Variants in CAPRIN2 observed in about 807,000 individuals in gnomAD.
CAPRIN2 encodes the protein caprin family member 2.
A neutral mutation model predicts 130.4 loss-of-function variants in CAPRIN2; 66 were observed. That is an observed-to-expected ratio of 0.51 (90% CI 0.42 to 0.62). The LOEUF (loss-of-function observed/expected upper bound fraction) is 0.62. CAPRIN2 is among the 20% of genes least tolerant of loss of function. The pLI is 0.00. For missense variants in CAPRIN2, 1,185 were observed against 1,246.6 expected, an observed-to-expected ratio of 0.95 and a Z score of 0.74; for synonymous variants, 471 against 444.1, an observed-to-expected ratio of 1.06 and a Z score of -0.76.
exon 13 of CAPRIN2, chr12:30,716,615 T>A: frequency 6.2e-7 from 1 of 1,614,002 alleles, no homozygotes; most frequent in Non-Finnish European, 8.5e-7. Flanking sequence ...GCCAGGTGAA[T>A]AAGGGGATTC....
At chr12:30,738,480 T>G (rs998996737) in intron 3 of CAPRIN2, among the ~76,000 whole-genome samples, 1 of 152,144 alleles carries the variant, frequency 6.6e-6, no homozygotes. Context: ...GAAATACCAT[T>G]CTGAATATAG....
chr12:30,727,102 C>G (rs1313112017), intron 8 of CAPRIN2, among the ~76,000 whole-genome samples: 1 of 152,092 alleles, frequency 6.6e-6, no homozygotes, highest in Non-Finnish European at 1.5e-5. Flanking sequence ...TGATAATATT[C>G]TGGTATGATA....
At chr12:30,728,152 G>A (rs577928965) in intron 8 of CAPRIN2, among the ~76,000 whole-genome samples, 1 of 152,260 alleles carries the variant, frequency 6.6e-6, no homozygotes, top group East Asian at 1.9e-4. Flanking sequence ...TTTCATCTCA[G>A]ATTAGACTTA....
chr12:30,717,292 T>C (rs2057923607), intron 12 of CAPRIN2, among the ~76,000 whole-genome samples: 1 of 152,190 alleles, frequency 6.6e-6, no homozygotes, highest in African/African-American at 2.4e-5. Flanking sequence ...CAAATGAACT[T>C]TGAAAACATT....
intron 3 of CAPRIN2, among the ~76,000 whole-genome samples, chr12:30,737,121 C>G (rs1170430350): frequency 6.6e-6 from 1 of 152,096 alleles, no homozygotes; most frequent in Non-Finnish European, 1.5e-5. Flanking sequence ...CCTCCCACCT[C>G]AGCCTCCTGA....
intron 2 of CAPRIN2, among the ~76,000 whole-genome samples, chr12:30,744,815 C>A (rs2069166124): frequency 6.6e-6 from 1 of 152,134 alleles, no homozygotes; most frequent in Admixed American, 6.5e-5. Flanking sequence ...TTAAGTACAG[C>A]ACCTCCTAGA....
intron 5 of CAPRIN2, among the ~76,000 whole-genome samples, chr12:30,731,970 T>A (rs777110004): frequency 3.9e-5 from 6 of 152,056 alleles, no homozygotes; most frequent in African/African-American, 1.2e-4. Flanking sequence ...TAATTAAGGC[T>A]TTAGAGAAGT....
chr12:30,742,028 A>G (rs75774649), intron 2 of CAPRIN2, among the ~76,000 whole-genome samples: 4,074 of 152,308 alleles, frequency 0.027, 164 homozygotes, highest in African/African-American at 0.091. Flanking sequence ...GCTAAGTAAA[A>G]GAAGCCAGAT....
intron 8 of CAPRIN2, 138 bp downstream of exon 9, chr12:30,728,510 G>A: frequency 1.5e-6 from 1 of 675,442 alleles, no homozygotes; most frequent in Non-Finnish European, 2.4e-6. Context: ...AGCAGAGATA[G>A]TGCCACTGCA....
chr12:30,742,962 G>A (rs564990508), intron 2 of CAPRIN2, among the ~76,000 whole-genome samples: 34 of 152,278 alleles, frequency 2.2e-4, no homozygotes, highest in South Asian at 4.1e-4. Context: ...TCAGAGGGAT[G>A]TAAAACTATA....
chr12:30,753,635 T>C lies in CAPRIN2; in HGVS notation c.129A>G (p.Ile43Met), dbSNP rs774923794. ...CTGAAGGAGGTGGGGGAAAGTTAAG[T>C]ATAAAATTAGGACTAGAGGGACACA... The change falls in exon 1 of 17, where the codon ATA (isoleucine) becomes ATG (methionine). Residue 43 changes from isoleucine (I) to methionine (M), a missense_variant. Ile to Met is a conservative substitution (Grantham distance 10, BLOSUM62 1). This residue lies in a region of CAPRIN2 where 1,104 missense variants were observed against 1,104.3 expected (regional missense o/e 1.00). Transcript: ENST00000298892. The C allele has an allele frequency of 3.1e-6, 5 of 1,614,142 alleles. No homozygotes were observed. The South Asian group carries it at 4.4e-5, about 14-fold the overall frequency.
intron 2 of CAPRIN2, among the ~76,000 whole-genome samples, chr12:30,741,444 C>G (rs2067379523): frequency 6.6e-6 from 1 of 152,078 alleles, no homozygotes; most frequent in African/African-American, 2.4e-5. Context: ...ATTCACTACT[C>G]AAACATATTA....
exon 8 of CAPRIN2, chr12:30,728,713 C>G (rs2061678070): frequency 6.2e-7 from 1 of 1,614,088 alleles, no homozygotes; most frequent in South Asian, 1.1e-5. Context: ...CTTGCTGTAG[C>G]TACTCCCCAG....
At chr12:30,748,196 T>A (rs756326632) in intron 2 of CAPRIN2, among the ~76,000 whole-genome samples, 1 of 152,176 alleles carries the variant, frequency 6.6e-6, no homozygotes, top group Non-Finnish European at 1.5e-5. Context: ...TTGAAAAAAG[T>A]CCTACTGTGG....
exon 1 of CAPRIN2, chr12:30,753,630 T>C: frequency 6.2e-7 from 1 of 1,614,066 alleles, no homozygotes; most frequent in Non-Finnish European, 8.5e-7. Context: ...TGGGGGAAAG[T>C]TAAGTATAAA....
chr12:30,747,283 G>C (rs1215090802), intron 2 of CAPRIN2, among the ~76,000 whole-genome samples: 3 of 152,146 alleles, frequency 2.0e-5, no homozygotes, highest in Non-Finnish European at 4.4e-5. Context: ...CAAGAGCTGT[G>C]ATGGAAATAC....
exon 1 of CAPRIN2, chr12:30,753,462 A>G (rs770296631): frequency 1.2e-6 from 2 of 1,613,808 alleles, no homozygotes; most frequent in East Asian, 2.2e-5. Context: ...CAGGGGGCTC[A>G]AGGCCCGCTG....
chr12:30,740,996 G>GA, intron 3 of CAPRIN2, 24 bp downstream of exon 4: 1 of 1,504,662 alleles, frequency 6.6e-7, no homozygotes, highest in Non-Finnish European at 9.2e-7. Flanking sequence ...CTGGTTTCAG[G>GA]AAAAGCAAAG....
At chr12:30,737,412 T>A (rs776448576) in intron 3 of CAPRIN2, among the ~76,000 whole-genome samples, 3 of 151,994 alleles carry the variant, frequency 2.0e-5, no homozygotes, top group Non-Finnish European at 2.9e-5. Context: ...TTGAATAAAA[T>A]CAAATATCAG....
Sources: gnomAD v4.1 joint callset for allele counts (sites outside exome capture counted in the v4.1 genomes callset) on GRCh38, gnomAD v4.1.1 for gene constraint, gnomAD v4.1.1 regional missense constraint, MANE v1.5 for transcripts, NCBI Gene and HGNC (gene_info 2026-07-23, HGNC 2026-07-21) for gene names.